Variants in SLC39A8 observed in about 807,000 individuals in gnomAD.
SLC39A8 encodes solute carrier family 39 member 8.
Under a neutral mutation model 40.4 loss-of-function variants are expected in SLC39A8, and 15 were observed. That is an observed-to-expected ratio of 0.37 (90% CI 0.25 to 0.57). SLC39A8 has a LOEUF of 0.57. Among genes scored for constraint, SLC39A8 ranks in the 20% least tolerant of loss-of-function variants. The pLI is 0.75. For synonymous variants in SLC39A8, 223 were observed against 221.6 expected, an observed-to-expected ratio of 1.01 and a Z score of -0.06; for missense variants, 472 against 558.8, an observed-to-expected ratio of 0.84 and a Z score of 1.57.
intron 2 of SLC39A8, among the ~76,000 whole-genome samples, chr4:102,320,205 A>ATATATATATGTATATATATATG (rs1734861358): frequency 1.5e-5 from 2 of 136,450 alleles, no homozygotes; most frequent in African/African-American, 5.5e-5. Flanking sequence ...ATATATATGT[A>ATATATATATGTATATATATATG]TATATATATG....
At chr4:102,289,575 C>A (rs1436750760) in intron 6 of SLC39A8, among the ~76,000 whole-genome samples, 2 of 152,002 alleles carry the variant, frequency 1.3e-5, no homozygotes, top group African/African-American at 4.8e-5. Flanking sequence ...AATCTAGATG[C>A]CATTAAGAAC....
intron 6 of SLC39A8, among the ~76,000 whole-genome samples, chr4:102,285,025 T>C (rs1436886125): frequency 6.6e-6 from 1 of 152,158 alleles, no homozygotes; most frequent in African/African-American, 2.4e-5. Flanking sequence ...TTTCACTAAG[T>C]TGGTATAAAG....
At chr4:102,267,206 G>C (rs1560526412) in intron 8 of SLC39A8, among the ~76,000 whole-genome samples, 1 of 149,778 alleles carries the variant, frequency 6.7e-6, no homozygotes, top group Non-Finnish European at 1.5e-5. Context: ...CCAACCACAA[G>C]GGGAATAGAG....
At chr4:102,307,676 T>C (rs1734246942) in intron 3 of SLC39A8, 71 bp from the exon 4 acceptor site, 1 of 1,472,728 alleles carries the variant, frequency 6.8e-7, no homozygotes, top group African/African-American at 1.4e-5. Context: ...TCCTGTACAT[T>C]AAGCTTAAAA....
intron 6 of SLC39A8, among the ~76,000 whole-genome samples, chr4:102,270,580 T>A (rs533509684): frequency 1.2e-4 from 19 of 152,344 alleles, no homozygotes; most frequent in South Asian, 8.3e-4. Context: ...CTTGCTTTCT[T>A]GTCTGAGTTT....
intron 6 of SLC39A8, among the ~76,000 whole-genome samples, chr4:102,294,989 G>C (rs942661693): frequency 1.3e-5 from 2 of 151,640 alleles, no homozygotes; most frequent in Non-Finnish European, 2.9e-5. Context: ...CTGTTCATGA[G>C]AAGGTAAACA....
chr4:102,284,242 T>G (rs1733049020), intron 6 of SLC39A8, among the ~76,000 whole-genome samples: 1 of 152,196 alleles, frequency 6.6e-6, no homozygotes, highest in Non-Finnish European at 1.5e-5. Flanking sequence ...TCATGCACCC[T>G]CTTCCCTCCT....
In SLC39A8 at chr4:102,345,378, C is replaced by T. The variant is rs1269278204; in HGVS notation, c.-287G>A. The T allele has an allele frequency of 6.6e-6, 1 of 152,634 alleles. No individual in the cohort carries two copies. Among genetic ancestry groups the T allele is most frequent in the Non-Finnish European group, 1.5e-5 (1 of 68,236 alleles). The allele number at this position is 152,634 out of a possible 1,614,324, so 9.5% of individuals were successfully genotyped here. On this transcript the variant is annotated 5_prime_UTR_variant, in exon 1 of 9. Transcript: ENST00000356736. ...TCTGTTTGTTTGTCTGTCTCTGCGT[C>T]TTTCTCTCTGCGTGTCAACGTAAGA...
At position 102,344,710 on chromosome 4, in the gene SLC39A8, AG is replaced by A. The variant is rs781050934; in HGVS notation, c.-49del. 5.8e-6 allele frequency: 8 copies of A among 1,384,168 alleles called. No individual in the cohort carries two copies. The South Asian group carries it at 1.3e-4, about 23-fold the overall frequency. The allele number at this position is 1,384,168 out of a possible 1,614,324, so 85.7% of individuals were successfully genotyped here. A position where few individuals can be genotyped will look rare whatever the true frequency, so the allele number is the denominator to read the frequency against. On this transcript the variant is annotated 5_prime_UTR_variant, in exon 2 of 9. Transcript: ENST00000356736. Reference sequence around the variant, plus strand: ...GGGCCCGCGACGGGCTGCCGCGCAGAGGGACGCGCGCGGGCGCACTGGCGTC... The same window carrying A: ...GGGCCCGCGACGGGCTGCCGCGCAGAGGACGCGCGCGGGCGCACTGGCGTC...
At chr4:102,326,430 G>A (rs367745298) in intron 2 of SLC39A8, among the ~76,000 whole-genome samples, 5 of 152,128 alleles carry the variant, frequency 3.3e-5, no homozygotes, top group African/African-American at 7.2e-5. Flanking sequence ...GCCTCGTGGC[G>A]GGCGCCTGTA....
downstream of SLC39A8, among the ~76,000 whole-genome samples, chr4:102,259,086 C>T (rs1426707474): frequency 6.6e-6 from 1 of 152,210 alleles, no homozygotes; most frequent in African/African-American, 2.4e-5. Context: ...CAGACACCAC[C>T]CGCAGTGTCT....
intron 6 of SLC39A8, among the ~76,000 whole-genome samples, chr4:102,303,907 TTAA>T (rs1339348556): frequency 6.6e-6 from 1 of 151,848 alleles, no homozygotes; most frequent in Non-Finnish European, 1.5e-5. Context: ...AGTCAGACAA[TTAA>T]TAAAAACAAT....
At chr4:102,324,481 A>C (rs1304400256) in intron 2 of SLC39A8, among the ~76,000 whole-genome samples, 1 of 150,376 alleles carries the variant, frequency 6.6e-6, no homozygotes, top group African/African-American at 2.4e-5. Flanking sequence ...CGCTTTCTGC[A>C]CTTCATTTCT....
rs189627332 is a variant in SLC39A8, at chr4:102,282,586, G to T, written c.841-14507C>A. On this transcript the variant is annotated intron_variant, in intron 6 of 8. Transcript: ENST00000356736. The stretch of plus-strand genomic sequence containing the variant: ...TGGCCGAGAATTTAGCGTTTAATGG[G>T]TGTTCAATAAATATTATTTTTAATT... Among the ~76,000 whole-genome samples, 28 of 149,766 alleles carry T rather than the reference G, an allele frequency of 1.9e-4. No homozygotes were observed. In the East Asian group the frequency reaches 5.5e-3, roughly 29 times the overall value.
chr4:102,296,401 G>A (rs771285068), intron 6 of SLC39A8, among the ~76,000 whole-genome samples: 1 of 152,052 alleles, frequency 6.6e-6, no homozygotes, highest in African/African-American at 2.4e-5. Context: ...TGCAAAAGAT[G>A]AAGTGATGCG....
intron 6 of SLC39A8, among the ~76,000 whole-genome samples, chr4:102,281,084 A>G (rs1018351724): frequency 3.9e-5 from 6 of 152,220 alleles, no homozygotes; most frequent in Non-Finnish European, 8.8e-5. Flanking sequence ...TGAGGATGGC[A>G]TTAATGCACT....
intron 6 of SLC39A8, among the ~76,000 whole-genome samples, chr4:102,273,601 G>C (rs1416859978): frequency 6.6e-6 from 1 of 152,154 alleles, no homozygotes; most frequent in Non-Finnish European, 1.5e-5. Flanking sequence ...CTCTGCTAAG[G>C]GACAGACTGC....
chr4:102,331,537 C>T (rs1735463810), intron 2 of SLC39A8, among the ~76,000 whole-genome samples: 1 of 152,158 alleles, frequency 6.6e-6, no homozygotes, highest in Non-Finnish European at 1.5e-5. Context: ...AAATGAAAAA[C>T]ATTCCATGTT....
intron 2 of SLC39A8, among the ~76,000 whole-genome samples, chr4:102,329,598 G>A (rs1242562504): frequency 6.7e-6 from 1 of 150,240 alleles, no homozygotes; most frequent in South Asian, 2.1e-4. Context: ...AATCCAGCCT[G>A]GGGGAGAGAG....
Sources: gnomAD v4.1 joint callset for allele counts (sites outside exome capture counted in the v4.1 genomes callset) on GRCh38, gnomAD v4.1.1 for gene constraint, MANE v1.5 for transcripts, NCBI Gene and HGNC (gene_info 2026-07-23, HGNC 2026-07-21) for gene names.